Variants in ANKRD13C observed in about 807,000 individuals in gnomAD.
The protein encoded by ANKRD13C is ankyrin repeat domain 13C.
In ANKRD13C, 16 loss-of-function variants were observed where a neutral mutation model predicts 65.5. The ratio of observed to expected loss-of-function variants is 0.24; its 90% confidence interval spans 0.17 to 0.37. The LOEUF (loss-of-function observed/expected upper bound fraction) is 0.37, where lower values mean the gene tolerates loss of function less well. ANKRD13C is among the 10% of genes least tolerant of loss of function. ANKRD13C has a pLI of 1.00. For missense variants in ANKRD13C, 503 were observed against 655.9 expected (o/e 0.77, Z 2.55); for synonymous variants, 235 against 238.7 (o/e 0.98, Z 0.14).
At chr1:70,271,914 ATTTC>A (rs1678898956) in intron 11 of ANKRD13C, among the ~76,000 whole-genome samples, 2 of 152,152 alleles carry the variant, frequency 1.3e-5, no homozygotes, top group Admixed American at 6.5e-5. Flanking sequence ...TGCTCATGTA[ATTTC>A]TTTAATCTCT....
chr1:70,292,635 T>C, intron 8 of ANKRD13C, 86 bp from the exon 9 acceptor site: 1 of 970,320 alleles, frequency 1.0e-6, no homozygotes, highest in Non-Finnish European at 1.5e-6. Context: ...ATATGTAACA[T>C]GTAGGTGAAA....
rs530465985 is a variant in ANKRD13C, at chr1:70,342,983, G to A, written c.431-6884C>T. ...AGAAGTCAAGGTGGCCGTGCTCCTG[G>A]ATAATTATCCTTTGTTTTCTTAACC... On this transcript the variant is annotated intron_variant, in intron 1 of 12. Transcript: ENST00000370944. 3.0e-4 allele frequency among the ~76,000 whole-genome samples: 46 copies of A among 152,230 alleles called. 1 individual carries two copies. In the South Asian group the frequency reaches 8.5e-3, roughly 28 times the overall value.
intron 9 of ANKRD13C, among the ~76,000 whole-genome samples, chr1:70,279,356 G>A (rs767923078): frequency 6.6e-6 from 1 of 152,132 alleles, no homozygotes; most frequent in Non-Finnish European, 1.5e-5. Flanking sequence ...GACAGCACCA[G>A]AGGAATTTGC....
rs1363757598 is a variant in ANKRD13C at position 70,301,184 on chromosome 1, T to C, written c.777-276A>G. Among the ~76,000 whole-genome samples, 26 of 151,450 alleles carry C rather than the reference T, an allele frequency of 1.7e-4. No homozygotes were observed. In the East Asian group the frequency reaches 4.1e-3, roughly 24 times the overall value. On this transcript the variant is annotated intron_variant, in intron 6 of 12. Coordinates refer to ENST00000370944, the MANE Select transcript of ANKRD13C (RefSeq NM_030816.5). ...CTGAATATATATACACACACATATATATATATATATACACATACACACACA... is the reference window on the plus strand; with the variant it reads ...CTGAATATATATACACACACATATACATATATATATACACATACACACACA...
intron 1 of ANKRD13C, among the ~76,000 whole-genome samples, chr1:70,344,425 T>A (rs373832212): frequency 6.6e-6 from 1 of 151,534 alleles, no homozygotes; most frequent in Non-Finnish European, 1.5e-5. Flanking sequence ...GGTCACACTA[T>A]TGCACTCCAG....
At chr1:70,322,230 C>T (rs1476797482) in intron 3 of ANKRD13C, among the ~76,000 whole-genome samples, 1 of 151,670 alleles carries the variant, frequency 6.6e-6, no homozygotes, top group Non-Finnish European at 1.5e-5. Flanking sequence ...TGAACTCGGT[C>T]TCAAAAAAAA....
intron 5 of ANKRD13C, among the ~76,000 whole-genome samples, chr1:70,311,246 A>G (rs1680836410): frequency 6.6e-6 from 1 of 152,124 alleles, no homozygotes; most frequent in East Asian, 1.9e-4. Context: ...TAATCCCTAC[A>G]CTTTGGGAGG....
At chr1:70,337,119 G>A (rs1347148472) in intron 1 of ANKRD13C, among the ~76,000 whole-genome samples, 1 of 150,446 alleles carries the variant, frequency 6.6e-6, no homozygotes, top group African/African-American at 2.5e-5. Context: ...TCCAGTCTCA[G>A]CTTGACAAGA....
intron 11 of ANKRD13C, among the ~76,000 whole-genome samples, chr1:70,273,989 C>A (rs1679010513): frequency 2.0e-5 from 3 of 151,948 alleles, no homozygotes; most frequent in Admixed American, 2.0e-4. Context: ...AAACAAGGAA[C>A]ACACAGAAGA....
chr1:70,296,216 T>G lies in ANKRD13C; in HGVS notation c.967A>C (p.Ser323Arg). Residue 323 changes from serine (S) to arginine (R), a missense_variant, in exon 8 of 13, where the codon AGT becomes CGT. Physicochemically the swap from Ser to Arg is moderately radical, Grantham distance 110. Transcript: ENST00000370944. Reference sequence around the variant, plus strand: ...GATAAAGTTGCAGAGTAAATATCACTGCTCATTAAAATATCCACCTCTTCT... The same window carrying G: ...GATAAAGTTGCAGAGTAAATATCACGGCTCATTAAAATATCCACCTCTTCT... ...TEEEVDILMS[S>R]DIYSATLSTK... The G allele has an allele frequency of 6.2e-7, 1 of 1,613,972 alleles. No homozygotes were observed. The highest frequency in any genetic ancestry group is 8.5e-7 in the Non-Finnish European group (1 of 1,179,930).
At position 70,270,877 on chromosome 1, in the gene ANKRD13C, G is replaced by C. The variant is rs1329998476; in HGVS notation, c.1474C>G (p.Pro492Ala). Residue 492 changes from proline (P) to alanine (A), a missense_variant, in exon 12 of 13, where the codon CCA (proline) becomes GCA (alanine). Physicochemically the swap from Pro to Ala is conservative, Grantham distance 27. Coordinates refer to ENST00000370944, the MANE Select transcript of ANKRD13C (RefSeq NM_030816.5). ...LREFVQMKLPPGFPVKLDIPV... is the reference protein window; with the variant it reads ...LREFVQMKLPAGFPVKLDIPV... ...TTACCTAATTTTACAGGAAAGCCTG[G>C]AGGAAGCTTCATCTGAACAAATTCT... 7 of 1,611,580 alleles carry C rather than the reference G, an allele frequency of 4.3e-6. No homozygotes were observed. The African/African-American group carries it at 9.4e-5, about 22-fold the overall frequency.
chr1:70,340,884 A>G (rs2101610170), intron 1 of ANKRD13C, among the ~76,000 whole-genome samples: 1 of 152,306 alleles, frequency 6.6e-6, no homozygotes, highest in East Asian at 1.9e-4. Flanking sequence ...AGGCCGAGGC[A>G]GATGGATCAC....
intron 1 of ANKRD13C, among the ~76,000 whole-genome samples, chr1:70,340,296 C>T (rs1682251986): frequency 6.6e-6 from 1 of 151,970 alleles, no homozygotes; most frequent in Non-Finnish European, 1.5e-5. Flanking sequence ...TAAAATTGTT[C>T]TTCTAATTTC....
intron 1 of ANKRD13C, among the ~76,000 whole-genome samples, chr1:70,340,464 T>G (rs564806592): frequency 1.3e-5 from 2 of 152,340 alleles, no homozygotes; most frequent in Non-Finnish European, 2.9e-5. Context: ...GTCTGACCAA[T>G]TTTTGTAAAT....
intron 2 of ANKRD13C, among the ~76,000 whole-genome samples, chr1:70,331,156 G>T (rs148466245): frequency 7.9e-5 from 12 of 152,328 alleles, no homozygotes; most frequent in Non-Finnish European, 1.8e-4. Context: ...TACAGAAACA[G>T]AACGTGCCCT....
At chr1:70,276,691 A>G in intron 10 of ANKRD13C, 74 bp downstream of exon 10, 1 of 1,178,104 alleles carries the variant, frequency 8.5e-7, no homozygotes, top group Non-Finnish European at 1.2e-6. Flanking sequence ...TTACGCCAAA[A>G]TATTCACATA....
intron 2 of ANKRD13C, among the ~76,000 whole-genome samples, chr1:70,328,489 C>T (rs1681645105): frequency 6.6e-6 from 1 of 151,992 alleles, no homozygotes; most frequent in African/African-American, 2.4e-5. Flanking sequence ...ATGGTGAAAC[C>T]CCATCTCTAC....
At chr1:70,320,457 C>T (rs1234208229) in intron 3 of ANKRD13C, among the ~76,000 whole-genome samples, 1 of 151,978 alleles carries the variant, frequency 6.6e-6, no homozygotes, top group East Asian at 1.9e-4. Context: ...ATCTCAGCTC[C>T]CAAGTAGCTG....
At chr1:70,275,080 T>G (rs1679069416) in intron 10 of ANKRD13C, among the ~76,000 whole-genome samples, 1 of 152,216 alleles carries the variant, frequency 6.6e-6, no homozygotes, top group Non-Finnish European at 1.5e-5. Context: ...TAATAACCAC[T>G]ATTTTTAGGA....
Sources: allele counts gnomAD v4.1 joint callset (sites outside exome capture counted in the v4.1 genomes callset), GRCh38; gene constraint gnomAD v4.1.1; transcripts MANE v1.5; gene names NCBI Gene and HGNC (gene_info 2026-07-23, HGNC 2026-07-21).